DACH2: variants seen among roughly 807,000 people sequenced by gnomAD.
DACH2 encodes dachshund homolog 2.
Under a neutral mutation model 35.8 loss-of-function variants are expected in DACH2, and 17 were observed. That is an observed-to-expected ratio of 0.48 (90% CI 0.33 to 0.71). The LOEUF (loss-of-function observed/expected upper bound fraction) is 0.71, where lower values mean the gene tolerates loss of function less well. DACH2 is among the 30% of genes least tolerant of loss of function. The pLI is 0.02. For missense variants in DACH2, 469 were observed against 472.7 expected (o/e 0.99, Z 0.07); for synonymous variants, 195 against 177.3 (o/e 1.10, Z -0.79).
intron 1 of DACH2, among the ~76,000 whole-genome samples, chrX:86,359,922 G>A (rs1327764380): frequency 1.8e-5 from 2 of 109,596 alleles, no homozygotes; most frequent in Non-Finnish European, 3.8e-5. Context: ...TGCTCAGGCT[G>A]GAGTACAGTG....
chrX:86,686,532 T>C (rs2040946038), intron 4 of DACH2, among the ~76,000 whole-genome samples: 1 of 110,857 alleles, frequency 9.0e-6, no homozygotes, highest in Admixed American at 9.7e-5. Context: ...TGCCCAGTAA[T>C]TGAAGGGTAT....
intron 1 of DACH2, among the ~76,000 whole-genome samples, chrX:86,205,494 T>TTCCTTCCC (rs2032282112): frequency 2.0e-5 from 1 of 51,087 alleles, no homozygotes; most frequent in Admixed American, 2.4e-4. Context: ...CCTTCCCTCC[T>TTCCTTCCC]TCCTTCCTTC....
chrX:86,161,628 C>T (rs1192464385), intron 1 of DACH2, among the ~76,000 whole-genome samples: 1 of 112,028 alleles, frequency 8.9e-6, no homozygotes, highest in Non-Finnish European at 1.9e-5. Context: ...AGAAAAGGAA[C>T]ATTATATAGT....
intron 2 of DACH2, among the ~76,000 whole-genome samples, chrX:86,455,309 G>C (rs978100041): frequency 1.8e-5 from 2 of 111,436 alleles, no homozygotes; most frequent in Non-Finnish European, 3.8e-5. Context: ...TGGTAGAGCA[G>C]GTGTGCTATG....
chrX:86,260,847 A>G (rs1251735589), intron 1 of DACH2, among the ~76,000 whole-genome samples: 1 of 111,319 alleles, frequency 9.0e-6, no homozygotes, highest in Non-Finnish European at 1.9e-5. Context: ...TTTCTTTCAC[A>G]TCATGGTGTC....
intron 2 of DACH2, among the ~76,000 whole-genome samples, chrX:86,422,922 T>A (rs1459606008): frequency 9.0e-6 from 1 of 111,452 alleles, no homozygotes; most frequent in East Asian, 2.8e-4. Flanking sequence ...ACAGGTGATG[T>A]TTGTCTTTCT....
intron 2 of DACH2, among the ~76,000 whole-genome samples, chrX:86,424,662 G>T (rs1347678769): frequency 1.8e-5 from 2 of 111,025 alleles, no homozygotes; most frequent in Non-Finnish European, 3.8e-5. Context: ...CAATTTTGAT[G>T]CCCTTTATAT....
intron 6 of DACH2, among the ~76,000 whole-genome samples, chrX:86,726,845 T>C (rs1384283905): frequency 8.9e-6 from 1 of 111,764 alleles, no homozygotes; most frequent in Non-Finnish European, 1.9e-5. Context: ...CTTTTCTTGG[T>C]CCCCAGCCAG....
chrX:86,435,717 A>G (rs1381030216), intron 2 of DACH2, among the ~76,000 whole-genome samples: 2 of 111,883 alleles, frequency 1.8e-5, no homozygotes, highest in African/African-American at 6.5e-5. Context: ...TTGTACGTAA[A>G]TGACCCTGCA....
chrX:86,637,224 A>G (rs1569457436), intron 3 of DACH2, among the ~76,000 whole-genome samples: 1 of 88,700 alleles, frequency 1.1e-5, no homozygotes, highest in African/African-American at 4.0e-5. Flanking sequence ...AAAAAAAAAA[A>G]AAAAAAAAAA....
At chrX:86,503,179 T>C (rs938751470) in intron 2 of DACH2, among the ~76,000 whole-genome samples, 3 of 112,169 alleles carry the variant, frequency 2.7e-5, no homozygotes, top group African/African-American at 9.7e-5. Context: ...CCCTTACCCA[T>C]ATTTGAGGAT....
intron 2 of DACH2, among the ~76,000 whole-genome samples, chrX:86,491,932 A>G (rs952070623): frequency 4.5e-5 from 5 of 111,824 alleles, no homozygotes; most frequent in African/African-American, 1.3e-4. Context: ...TGATAGTCAT[A>G]TAATTAATAC....
Position 86,797,173 on chromosome X carries a change from T to C in DACH2, c.1241-15683T>C, listed in dbSNP as rs751383499. ...CTGTGTGTGTAAGGATAGAATCCAA[T>C]TGGGAAAGATAAGAGGAGAAAATGA... On this transcript the variant is annotated intron_variant, in intron 7 of 11. Coordinates refer to ENST00000373125, the MANE Select transcript of DACH2 (RefSeq NM_053281.3). 1.1e-4 allele frequency among the ~76,000 whole-genome samples: 12 copies of C among 110,752 alleles called. No individual in the cohort carries two copies. The South Asian group carries it at 4.2e-3, about 38-fold the overall frequency.
At chrX:86,344,343 T>TAC (rs1297786382) in intron 1 of DACH2, among the ~76,000 whole-genome samples, 6 of 92,573 alleles carry the variant, frequency 6.5e-5, no homozygotes, top group African/African-American at 2.3e-4. Flanking sequence ...TATATATATA[T>TAC]ACACACACAC....
chrX:86,721,533 T>C (rs753016323), intron 6 of DACH2, among the ~76,000 whole-genome samples: 1 of 111,689 alleles, frequency 9.0e-6, no homozygotes, highest in East Asian at 2.8e-4. Flanking sequence ...AGCATTTTGG[T>C]CAAACCCATT....
intron 2 of DACH2, among the ~76,000 whole-genome samples, chrX:86,416,486 A>G (rs1420773873): frequency 8.9e-6 from 1 of 112,218 alleles, no homozygotes; most frequent in East Asian, 2.8e-4. Flanking sequence ...CTGTTACTTA[A>G]CAGACACTTG....
chrX:86,299,901 T>G (rs1358290937), intron 1 of DACH2, among the ~76,000 whole-genome samples: 4 of 111,781 alleles, frequency 3.6e-5, no homozygotes, highest in African/African-American at 1.3e-4. Flanking sequence ...CATTGTATTT[T>G]TTAAATTTTT....
intron 3 of DACH2, among the ~76,000 whole-genome samples, chrX:86,592,988 A>G (rs1255828639): frequency 9.0e-6 from 1 of 111,700 alleles, no homozygotes; most frequent in African/African-American, 3.3e-5. Flanking sequence ...TCTTTTCAAT[A>G]TGTATATCCT....
At position 86,651,055 on chromosome X, in the gene DACH2, G is replaced by T; in HGVS notation, c.660G>T (p.Met220Ile). The T allele has an allele frequency of 1.7e-6, 2 of 1,206,978 alleles. No individual in the cohort carries two copies. The highest frequency in any genetic ancestry group is 2.2e-6 in the Non-Finnish European group (2 of 892,998). The change falls in exon 4 of 12, where the codon ATG becomes ATT. Residue 220 changes from methionine to isoleucine, a missense_variant. Around this residue, in one of 3 missense-constraint regions of DACH2, gnomAD observed 363 missense variants for 334.4 expected, o/e 1.09. Coordinates refer to ENST00000373125, the MANE Select transcript of DACH2 (RefSeq NM_053281.3). Reference sequence around the variant, plus strand: ...TTTTAGGTATAACAGCTGCAGCGATGGCTGAGGCGATGAAACTTCAGAAGA... The same window carrying T: ...TTTTAGGTATAACAGCTGCAGCGATTGCTGAGGCGATGAAACTTCAGAAGA... ...ITPTGITAAA[M>I]AEAMKLQKMK...
Sources: gnomAD v4.1 joint callset for allele counts (sites outside exome capture counted in the v4.1 genomes callset) on GRCh38, gnomAD v4.1.1 for gene constraint, gnomAD v4.1.1 regional missense constraint, MANE v1.5 for transcripts, NCBI Gene and HGNC (gene_info 2026-07-23, HGNC 2026-07-21) for gene names.